Variants in AMER3 observed in about 807,000 individuals in gnomAD.
The protein encoded by AMER3 is family with sequence similarity 123C.
For missense variants in AMER3, 1,201 were observed against 1,139.4 expected (o/e 1.05, Z -0.78); for synonymous variants, 541 against 485.5 (o/e 1.11, Z -1.50).
chr2:130,762,278 G>A lies in AMER3; in HGVS notation c.206G>A (p.Gly69Glu). ...GAATACGACAGATGCCCCAACAAAGGGGCGCAGCTGGACCCCAAAGGGGGA... is the reference window on the plus strand; with the variant it reads ...GAATACGACAGATGCCCCAACAAAGAGGCGCAGCTGGACCCCAAAGGGGGA... ...AQEYDRCPNK[G>E]AQLDPKGGPA... The change falls in exon 2 of 2, where the codon GGG becomes GAG. Residue 69 changes from glycine (G) to glutamate (E), a missense_variant. Coordinates refer to ENST00000321420, the MANE Select transcript of AMER3 (RefSeq NM_152698.3). 1 of 1,583,942 alleles carries A rather than the reference G, an allele frequency of 6.3e-7. No individual in the cohort carries two copies. The highest frequency in any genetic ancestry group is 1.1e-5 in the South Asian group (1 of 87,086).
chr2:130,763,975 C>G lies in AMER3; in HGVS notation c.1903C>G (p.Pro635Ala). 1.9e-6 allele frequency: 3 copies of G among 1,613,706 alleles called. No homozygotes were observed. Among genetic ancestry groups the G allele is most frequent in the Non-Finnish European group, 2.5e-6 (3 of 1,179,956 alleles). ...TTCCGGTAAAAATAAGGCCCCAGTTCCTTCTACCTGGCCCTGCTCCCAGAA... is the reference window on the plus strand; with the variant it reads ...TTCCGGTAAAAATAAGGCCCCAGTTGCTTCTACCTGGCCCTGCTCCCAGAA... ...DTSGKNKAPV[P>A]STWPCSQKEP... The change falls in exon 2 of 2, where the codon CCT becomes GCT. Residue 635 changes from proline to alanine, a missense_variant. Physicochemically the swap from Pro to Ala is conservative, Grantham distance 27 (BLOSUM62 -1). Transcript: ENST00000321420.
Position 130,763,366 on chromosome 2 carries a change from G to T in AMER3, c.1294G>T (p.Gly432Cys), listed in dbSNP as rs201403740. 1 of 1,613,236 alleles carries T rather than the reference G, an allele frequency of 6.2e-7. No homozygotes were observed. The highest frequency in any genetic ancestry group is 8.5e-7 in the Non-Finnish European group (1 of 1,180,006). Residue 432 changes from glycine to cysteine, a missense_variant, in exon 2 of 2, where the codon GGT (glycine) becomes TGT (cysteine). Coordinates refer to ENST00000321420, the MANE Select transcript of AMER3 (RefSeq NM_152698.3). ...CGAGCTCTTCCACGACCCCAGCGAG[G>T]GTCCTCTTGGCCCCAGCCCAGATGA... ...LYELFHDPSE[G>C]PLGPSPDDDL...
Position 130,762,983 on chromosome 2 carries a change from C to G in AMER3, c.911C>G (p.Ser304Cys), listed in dbSNP as rs748807302. 6.2e-7 allele frequency: 1 copy of G among 1,613,340 alleles called. No individual in the cohort carries two copies. The highest frequency in any genetic ancestry group is 1.7e-5 in the Admixed American group (1 of 60,028). The change falls in exon 2 of 2, where the codon TCT becomes TGT. Residue 304 changes from serine to cysteine, a missense_variant. Transcript: ENST00000321420. ...QLASPAQNEA[S>C]DFTRFWDSVN... ...GCCTCGCCCGCCCAGAATGAAGCCTCTGACTTCACCAGGTTCTGGGACAGT... is the reference window on the plus strand; with the variant it reads ...GCCTCGCCCGCCCAGAATGAAGCCTGTGACTTCACCAGGTTCTGGGACAGT...
intron 1 of AMER3, among the ~76,000 whole-genome samples, chr2:130,758,746 CCCTCCTTGGGG>C (rs1277137948): frequency 1.3e-5 from 2 of 152,212 alleles, no homozygotes; most frequent in Non-Finnish European, 2.9e-5. Context: ...CGGGTCTGAA[CCCTCCTTGGGG>C]GAGGGATGTG....
rs1010178658 is a variant in AMER3, at chr2:130,766,911, T to C, written c.*2253T>C. The C allele has an allele frequency of 6.0e-6, 1 of 167,044 alleles. No homozygotes were observed. The highest frequency in any genetic ancestry group is 2.4e-5 in the African/African-American group (1 of 41,448). 10.3% of individuals were successfully genotyped at this position (167,044 alleles called of 1,614,324 possible). ...CCTACAAACAATGATTTCCCTCCGC[T>C]TGCACTCTCTAACTAGAGCCATGGA... On this transcript the variant is annotated 3_prime_UTR_variant, in exon 2 of 2. Coordinates refer to ENST00000321420, the MANE Select transcript of AMER3 (RefSeq NM_152698.3).
chr2:130,764,756 C>G lies in AMER3; in HGVS notation c.*98C>G. ...CTATCTTTTGTCCCTGATGTGGGGA[C>G]TGTGTTGGGGGTGGGGGGTGGCAGG... is the stretch of plus-strand genomic sequence containing the variant. On this transcript the variant is annotated 3_prime_UTR_variant, in exon 2 of 2. Transcript: ENST00000321420. The G allele has an allele frequency of 2.1e-4, 250 of 1,199,864 alleles. No individual in the cohort carries two copies. Among genetic ancestry groups the G allele is most frequent in the Middle Eastern group, 5.8e-4 (2 of 3,424 alleles). The allele number at this position is 1,199,864 out of a possible 1,614,324, so 74.3% of individuals were successfully genotyped here.
At chr2:130,760,936 G>GCTTCT (rs1007527168) in intron 1 of AMER3, among the ~76,000 whole-genome samples, 1 of 151,944 alleles carries the variant, frequency 6.6e-6, no homozygotes, top group Admixed American at 6.6e-5. Context: ...CTCCCTGCCT[G>GCTTCT]CTTCTCTATC....
In AMER3 at chr2:130,765,521, G is replaced by A. The variant is rs139453982; in HGVS notation, c.*863G>A. 1 of 167,042 alleles carries A rather than the reference G, an allele frequency of 6.0e-6. No individual in the cohort carries two copies. The highest frequency in any genetic ancestry group is 1.9e-4 in the East Asian group (1 of 5,190). The allele number at this position is 167,042 out of a possible 1,614,324, so 10.3% of individuals were successfully genotyped here. ...GCAAGAACTTTCATCTCTCACAATT[G>A]CAGATGTACAAAAATTACATCTCTT... On this transcript the variant is annotated 3_prime_UTR_variant, in exon 2 of 2. Coordinates refer to ENST00000321420, the MANE Select transcript of AMER3 (RefSeq NM_152698.3).
At chr2:130,760,322 G>A (rs1574040345) in intron 1 of AMER3, among the ~76,000 whole-genome samples, 2 of 152,214 alleles carry the variant, frequency 1.3e-5, no homozygotes, top group East Asian at 3.9e-4. Context: ...TGCAGTGTCA[G>A]CTCTTCCACC....
Position 130,762,209 on chromosome 2 carries a change from G to A in AMER3, c.137G>A (p.Arg46Lys). 6.3e-7 allele frequency: 1 copy of A among 1,586,990 alleles called. No individual in the cohort carries two copies. Among genetic ancestry groups the A allele is most frequent in the Non-Finnish European group, 8.6e-7 (1 of 1,167,164 alleles). Reference protein sequence around the residue: ...PWSVLPGGQQRPHSEKGPQAS... With the variant: ...PWSVLPGGQQKPHSEKGPQAS... ...TCAGTCCTTCCAGGAGGGCAACAGA[G>A]GCCCCACAGTGAGAAGGGCCCCCAA... is the stretch of plus-strand genomic sequence containing the variant. The change falls in exon 2 of 2, where the codon AGG becomes AAG. Residue 46 changes from arginine (R) to lysine (K), a missense_variant. Coordinates refer to ENST00000321420, the MANE Select transcript of AMER3 (RefSeq NM_152698.3).
At position 130,757,742 on chromosome 2, in the gene AMER3, A is replaced by G. The variant is rs189405908; in HGVS notation, c.-20+2068A>G. 8.4e-4 allele frequency among the ~76,000 whole-genome samples: 128 copies of G among 152,314 alleles called. 4 individuals are homozygous for G. In the East Asian group the frequency reaches 0.022, roughly 26 times the overall value. On this transcript the variant is annotated intron_variant, in intron 1 of 1. Coordinates refer to ENST00000321420, the MANE Select transcript of AMER3 (RefSeq NM_152698.3). Reference sequence around the variant, plus strand: ...TCCCTGTAACAGAATTAATTAAGTAAATACATTGTGTGGTCCCTGTTCCCA... The same window carrying G: ...TCCCTGTAACAGAATTAATTAAGTAGATACATTGTGTGGTCCCTGTTCCCA...
chr2:130,763,289 G>A lies in AMER3; in HGVS notation c.1217G>A (p.Gly406Asp). 2 of 1,613,748 alleles carry A rather than the reference G, an allele frequency of 1.2e-6. No homozygotes were observed. The highest frequency in any genetic ancestry group is 1.3e-5 in the African/African-American group (1 of 75,054). Residue 406 changes from glycine (G) to aspartate (D), a missense_variant, in exon 2 of 2, where the codon GGC (glycine) becomes GAC (aspartate). Transcript: ENST00000321420. Reference sequence around the variant, plus strand: ...GACAAGAAGGAAGCTGAGAGCCCAGGCACTCCTGCCGCCACCTTCCCACGG... The same window carrying A: ...GACAAGAAGGAAGCTGAGAGCCCAGACACTCCTGCCGCCACCTTCCCACGG... Reference protein sequence around the residue: ...EEDKKEAESPGTPAATFPRDS... With the variant: ...EEDKKEAESPDTPAATFPRDS...
chr2:130,762,786 G>A lies in AMER3; in HGVS notation c.714G>A (p.Val238=). 1 of 1,611,420 alleles carries A rather than the reference G, an allele frequency of 6.2e-7. No individual in the cohort carries two copies. The highest frequency in any genetic ancestry group is 2.2e-5 in the East Asian group (1 of 44,754). ...FGLCRALCED[V]ASLQSFDSLT... is the part of the protein sequence containing the mutation. ...TCTGCAGGGCCCTGTGTGAGGACGT[G>A]GCCTCACTCCAGAGCTTCGACTCGC... Residue 238 remains valine (V), a synonymous_variant, in exon 2 of 2, where the codon GTG becomes GTA. Transcript: ENST00000321420.
At position 130,763,992 on chromosome 2, in the gene AMER3, C is replaced by G. The variant is rs376843861; in HGVS notation, c.1920C>G (p.Cys640Trp). 16 of 1,613,462 alleles carry G rather than the reference C, an allele frequency of 9.9e-6. No homozygotes were observed. Among genetic ancestry groups the G allele is most frequent in the Non-Finnish European group, 1.4e-5 (16 of 1,179,862 alleles). Residue 640 changes from cysteine to tryptophan, a missense_variant, in exon 2 of 2, where the codon TGC becomes TGG. By Grantham distance (215) the Cys-to-Trp change is radical. Coordinates refer to ENST00000321420, the MANE Select transcript of AMER3 (RefSeq NM_152698.3). ...NKAPVPSTWP[C>W]SQKEPGPPGV... The stretch of plus-strand genomic sequence containing the variant: ...CCCCAGTTCCTTCTACCTGGCCCTG[C>G]TCCCAGAAGGAGCCTGGGCCACCAG...
At chr2:130,757,491 C>T (rs1376532175) in intron 1 of AMER3, among the ~76,000 whole-genome samples, 1 of 152,186 alleles carries the variant, frequency 6.6e-6, no homozygotes, top group African/African-American at 2.4e-5. Context: ...AAAGCACGGC[C>T]CTCGCTGAGA....
In AMER3 at chr2:130,767,478, G is replaced by T. The variant is rs1679015619; in HGVS notation, c.*2820G>T. The T allele has an allele frequency of 6.0e-6, 1 of 166,840 alleles. No homozygotes were observed. Among genetic ancestry groups the T allele is most frequent in the Non-Finnish European group, 1.5e-5 (1 of 68,180 alleles). 10.3% of individuals were successfully genotyped at this position (166,840 alleles called of 1,614,324 possible). On this transcript the variant is annotated 3_prime_UTR_variant, in exon 2 of 2. Transcript: ENST00000321420. ...GCTGAGGGTGGCCCTCCCACCAGGG[G>T]ACGCTGGTCAGTGCCTCTCCTGACT...
chr2:130,767,342 G>C lies in AMER3; in HGVS notation c.*2684G>C, dbSNP rs1054550771. 6.0e-6 allele frequency: 1 copy of C among 167,288 alleles called. No homozygotes were observed. The highest frequency in any genetic ancestry group is 1.9e-4 in the East Asian group (1 of 5,190). 10.4% of individuals were successfully genotyped at this position (167,288 alleles called of 1,614,324 possible). A position where few individuals can be genotyped will look rare whatever the true frequency, so the allele number is the denominator to read the frequency against. The stretch of plus-strand genomic sequence containing the variant: ...AAGATCAGCACAGGAAAAGGGGTCA[G>C]TCAGGTCGCAGGCAAAGTGCTAGGG... On this transcript the variant is annotated 3_prime_UTR_variant, in exon 2 of 2. Coordinates refer to ENST00000321420, the MANE Select transcript of AMER3 (RefSeq NM_152698.3).
chr2:130,764,345 A>G lies in AMER3; in HGVS notation c.2273A>G (p.Glu758Gly). The change falls in exon 2 of 2, where the codon GAG (glutamate) becomes GGG (glycine). Residue 758 changes from glutamate (E) to glycine (G), a missense_variant. Glu to Gly is a moderately conservative substitution (Grantham distance 98). Transcript: ENST00000321420. ...CAGGACCTGAGCTGGCTCAGGGTGG[A>G]GCCCACCGGGCTAGGTGTCCAGGCC... ...RVQDLSWLRVEPTGLGVQAWA... is the reference protein window; with the variant it reads ...RVQDLSWLRVGPTGLGVQAWA... 1 of 1,610,344 alleles carries G rather than the reference A, an allele frequency of 6.2e-7. No individual in the cohort carries two copies. Among genetic ancestry groups the G allele is most frequent in the Non-Finnish European group, 8.5e-7 (1 of 1,177,602 alleles).
In AMER3 at chr2:130,762,773, T is replaced by C; in HGVS notation, c.701T>C (p.Leu234Pro). 2 of 1,611,106 alleles carry C rather than the reference T, an allele frequency of 1.2e-6. No individual in the cohort carries two copies. Among genetic ancestry groups the C allele is most frequent in the Non-Finnish European group, 1.7e-6 (2 of 1,178,230 alleles). Residue 234 changes from leucine (L) to proline (P), a missense_variant, in exon 2 of 2, where the codon CTG becomes CCG. Leu to Pro is a moderately conservative substitution (Grantham distance 98). Coordinates refer to ENST00000321420, the MANE Select transcript of AMER3 (RefSeq NM_152698.3). ...ADASFGLCRA[L>P]CEDVASLQSF... ...GCATCCTTTGGTCTCTGCAGGGCCC[T>C]GTGTGAGGACGTGGCCTCACTCCAG...
Sources: gnomAD v4.1 joint callset for allele counts (sites outside exome capture counted in the v4.1 genomes callset) on GRCh38, gnomAD v4.1.1 for gene constraint, MANE v1.5 for transcripts, NCBI Gene and HGNC (gene_info 2026-07-23, HGNC 2026-07-21) for gene names.